Variants in PCLO observed in about 807,000 individuals in gnomAD.
PCLO encodes the protein piccolo presynaptic cytomatrix protein.
PCLO carries 82 observed loss-of-function variants against 427.5 expected under a neutral mutation model. The ratio of observed to expected loss-of-function variants is 0.19; its 90% CI spans 0.16 to 0.23. The LOEUF is 0.23. PCLO is among the 10% of genes least tolerant of loss of function. PCLO has a pLI of 1.00. For missense variants in PCLO, 6,239 were observed against 6,115.9 expected (o/e 1.02, Z -0.67); for synonymous variants, 2,357 against 2,155.4 (o/e 1.09, Z -2.59).
chr7:82,992,475 T>C (rs753323735), intron 3 of PCLO, among the ~76,000 whole-genome samples: 22 of 152,124 alleles, frequency 1.4e-4, no homozygotes, highest in Non-Finnish European at 2.9e-4. Flanking sequence ...AAAGTTGTCA[T>C]ACTAGACAGA....
rs770366339 is a variant in PCLO, at chr7:82,826,663, A to G, written c.14344-3T>C. 2 of 1,571,554 alleles carry G rather than the reference A, an allele frequency of 1.3e-6. No homozygotes were observed. The highest frequency in any genetic ancestry group is 2.3e-5 in the South Asian group (2 of 86,880). On this transcript the variant is annotated splice_polypyrimidine_tract_variant and splice_region_variant and intron_variant, in intron 17 of 24. Transcript: ENST00000333891. The stretch of plus-strand genomic sequence containing the variant: ...ACCTCCAGTGTTTTCTTCTTGAGCT[A>G]TATAGTTCAAATAGAAATCTAATTA...
chr7:82,889,101 C>T (rs560725320), intron 9 of PCLO, among the ~76,000 whole-genome samples: 4 of 152,086 alleles, frequency 2.6e-5, no homozygotes, highest in South Asian at 2.1e-4. Context: ...GACCTAGGGG[C>T]GCTCCAACCT....
rs1229948906 is a variant in PCLO, at chr7:82,916,595, C to T, written c.11391G>A (p.Lys3797=). The change falls in exon 7 of 25, where the codon AAG becomes AAA. Residue 3797 remains lysine, a synonymous_variant. Coordinates refer to ENST00000333891, the MANE Select transcript of PCLO (RefSeq NM_033026.6). ...TAATTCCCATTTCCAGGTATCGTAG[C>T]TTAGCATCAATCTCCTTTTCTTCTT... is the stretch of plus-strand genomic sequence containing the variant. The part of the protein sequence containing the change: ...LDEEEKEIDA[K]LRYLEMGINR... 6.2e-7 allele frequency: 1 copy of T among 1,613,694 alleles called. No individual in the cohort carries two copies.
chr7:82,987,652 C>T (rs57689160), intron 3 of PCLO, among the ~76,000 whole-genome samples: 114,331 of 151,950 alleles, frequency 0.75, 43,560 homozygotes, highest in East Asian at 0.92. Context: ...AAAAGCTTCA[C>T]AATATACTAG....
intron 3 of PCLO, among the ~76,000 whole-genome samples, chr7:83,005,454 G>A (rs577165341): frequency 5.9e-5 from 9 of 151,668 alleles, no homozygotes; most frequent in South Asian, 2.1e-4. Context: ...AGGGTAAAAC[G>A]TTTTAGTTAT....
At chr7:82,821,014 A>G (rs1284514474) in intron 20 of PCLO, 2 of 1,215,518 alleles carry the variant, frequency 1.6e-6, no homozygotes. Flanking sequence ...AAAAGTGGAT[A>G]AACATATTTT....
At chr7:83,122,978 T>C (rs963872407) in intron 3 of PCLO, among the ~76,000 whole-genome samples, 1 of 152,032 alleles carries the variant, frequency 6.6e-6, no homozygotes, top group Non-Finnish European at 1.5e-5. Flanking sequence ...ATGCAACAAA[T>C]TGGAAAGGAC....
chr7:83,023,109 G>C (rs961208005), intron 3 of PCLO, among the ~76,000 whole-genome samples: 1 of 151,940 alleles, frequency 6.6e-6, no homozygotes, highest in Non-Finnish European at 1.5e-5. Flanking sequence ...TAGCTATTTT[G>C]ACCTGCAAAA....
chr7:82,775,049 T>G (rs953889465), intron 22 of PCLO, among the ~76,000 whole-genome samples: 9 of 152,180 alleles, frequency 5.9e-5, no homozygotes, highest in Non-Finnish European at 1.3e-4. Flanking sequence ...CTTCCATGTC[T>G]TTCATAGCTT....
intron 3 of PCLO, among the ~76,000 whole-genome samples, chr7:82,990,780 GA>G (rs1371658776): frequency 7.2e-5 from 11 of 152,074 alleles, no homozygotes; most frequent in Non-Finnish European, 1.6e-4. Flanking sequence ...GAAACATCAT[GA>G]AGCACTGATA....
chr7:83,031,770 C>T (rs1788674405), intron 3 of PCLO, among the ~76,000 whole-genome samples: 1 of 151,498 alleles, frequency 6.6e-6, no homozygotes, highest in African/African-American at 2.4e-5. Context: ...CACACACACG[C>T]TCACACACAC....
intron 3 of PCLO, among the ~76,000 whole-genome samples, chr7:83,086,189 C>T (rs1205401337): frequency 6.6e-6 from 1 of 151,610 alleles, no homozygotes; most frequent in Non-Finnish European, 1.5e-5. Context: ...TGGCTCACTG[C>T]AACCTCCACC....
intron 3 of PCLO, among the ~76,000 whole-genome samples, chr7:82,984,693 C>A (rs1252634351): frequency 2.0e-5 from 3 of 151,926 alleles, no homozygotes; most frequent in Non-Finnish European, 4.4e-5. Context: ...ACTTAGCTAA[C>A]ATTTAGGCCT....
chr7:82,971,970 T>C (rs1795917914), intron 3 of PCLO, among the ~76,000 whole-genome samples: 2 of 151,776 alleles, frequency 1.3e-5, no homozygotes, highest in African/African-American at 4.8e-5. Flanking sequence ...AAGTTTATGT[T>C]TCATCTATGT....
Position 82,892,178 on chromosome 7 carries a change from A to G in PCLO, c.13528+10473T>C, listed in dbSNP as rs185525635. Among the ~76,000 whole-genome samples the G allele has an allele frequency of 7.4e-3, 1,128 of 152,268 alleles. 4 individuals carry two copies. Among genetic ancestry groups the G allele is most frequent in the Non-Finnish European group, 0.011 (759 of 68,020 alleles). On this transcript the variant is annotated intron_variant, in intron 9 of 24. Transcript: ENST00000333891. ...ATCACACCTCCTGACTTCAAACTAT[A>G]CTACAAGGCTACAGTAACCAAAACA...
At position 83,110,756 on chromosome 7, in the gene PCLO, T is replaced by TA. The variant is rs375722121; in HGVS notation, c.3300+23493dup. Among the ~76,000 whole-genome samples the TA allele has an allele frequency of 1.1e-3, 166 of 152,248 alleles. 1 individual carries two copies. The highest frequency in any genetic ancestry group is 3.4e-3 in the Middle Eastern group (1 of 294). ...TACAATTGCTGCTTCAATATCAGGG[T>TA]AAAAAGTATAGAGTTATATTTATCT... On this transcript the variant is annotated intron_variant, in intron 3 of 24. Coordinates refer to ENST00000333891, the MANE Select transcript of PCLO (RefSeq NM_033026.6).
chr7:82,896,033 CACAA>C (rs1328429501), intron 9 of PCLO, among the ~76,000 whole-genome samples: 5 of 151,830 alleles, frequency 3.3e-5, no homozygotes, highest in East Asian at 3.9e-4. Flanking sequence ...CATGAATATC[CACAA>C]ACAATTACTT....
At chr7:83,040,470 T>C (rs984286529) in intron 3 of PCLO, among the ~76,000 whole-genome samples, 3 of 152,150 alleles carry the variant, frequency 2.0e-5, no homozygotes, top group South Asian at 2.1e-4. Context: ...GGGGCATAAA[T>C]TGTTTCGCAG....
intron 9 of PCLO, among the ~76,000 whole-genome samples, chr7:82,892,113 A>C (rs904832292): frequency 1.3e-5 from 2 of 152,088 alleles, no homozygotes; most frequent in South Asian, 4.1e-4. Context: ...GAGCCCGCAT[A>C]GCCAAGTCAA....
Sources: gnomAD v4.1 joint callset for allele counts (sites outside exome capture counted in the v4.1 genomes callset) on GRCh38, gnomAD v4.1.1 for gene constraint, MANE v1.5 for transcripts, NCBI Gene and HGNC (gene_info 2026-07-23, HGNC 2026-07-21) for gene names.